RADIL: variants seen among roughly 807,000 people sequenced by gnomAD.
The protein encoded by RADIL is Rap associating with DIL domain, also known as ras-associating and dilute domain-containing protein.
RADIL carries 99 observed loss-of-function variants against 97.6 expected under a neutral mutation model. That is an observed-to-expected ratio of 1.01 (90% CI 0.86 to 1.20). The LOEUF (loss-of-function observed/expected upper bound fraction) is 1.20, where lower values mean the gene tolerates loss of function less well. Ranked by LOEUF, RADIL falls within the 50% of genes most tolerant of loss-of-function variation. The pLI is 0.00. For synonymous variants in RADIL, 803 were observed against 691.8 expected (o/e 1.16, Z -2.52); for missense variants, 1,765 against 1,498.9 (o/e 1.18, Z -2.93).
intron 12 of RADIL, 21 bp from the exon 13 acceptor site, chr7:4,800,331 G>C (rs762921610): frequency 1.1e-5 from 16 of 1,426,298 alleles, no homozygotes; most frequent in Non-Finnish European, 1.4e-5. Context: ...GCCAGGAAAG[G>C]TGGGTGGGAG....
intron 9 of RADIL, among the ~76,000 whole-genome samples, chr7:4,807,787 C>T (rs1782374184): frequency 1.2e-5 from 1 of 83,976 alleles, no homozygotes; most frequent in Non-Finnish European, 2.4e-5. Context: ...CCTTCCTCCT[C>T]CGTCTCCTCT....
rs1358959174 is a variant in RADIL, at chr7:4,834,444, G to C, written c.1416+163C>G. On this transcript the variant is annotated intron_variant, in intron 4 of 14. Coordinates refer to ENST00000399583, the MANE Select transcript of RADIL (RefSeq NM_018059.5). The surrounding 1 kb of genome is among the most constrained non-coding windows in gnomAD (Gnocchi z 6.0). Reference sequence around the variant, plus strand: ...GGGGCTGCTTCTGGTGGCCTGTGGGGCTGGGGGGCAGCGACAGGCAGGGAA... The same window carrying C: ...GGGGCTGCTTCTGGTGGCCTGTGGGCCTGGGGGGCAGCGACAGGCAGGGAA... Among the ~76,000 whole-genome samples the C allele has an allele frequency of 1.3e-5, 2 of 152,178 alleles. No homozygotes were observed. Among genetic ancestry groups the C allele is most frequent in the Non-Finnish European group, 2.9e-5 (2 of 68,026 alleles).
At chr7:4,845,156 A>C (rs963358817) in intron 2 of RADIL, among the ~76,000 whole-genome samples, 3 of 152,120 alleles carry the variant, frequency 2.0e-5, no homozygotes, top group Non-Finnish European at 4.4e-5. Context: ...ATGGTGGTTC[A>C]TGCCTGTAAT....
rs532050539 is a variant in RADIL, at chr7:4,814,006, A to G, written c.2139+1272T>C. Among the ~76,000 whole-genome samples, 20 of 152,184 alleles carry G rather than the reference A, an allele frequency of 1.3e-4. No individual in the cohort carries two copies. In the South Asian group the frequency reaches 3.9e-3, roughly 30 times the overall value. ...TGTTGCCCAGGCTGGTCTCAAACCAATGGCCTCAAGTGATCCTCCCACCTC... is the reference window on the plus strand; with the variant it reads ...TGTTGCCCAGGCTGGTCTCAAACCAGTGGCCTCAAGTGATCCTCCCACCTC... On this transcript the variant is annotated intron_variant, in intron 9 of 14. Transcript: ENST00000399583. The surrounding 1 kb of genome is among the most constrained non-coding windows in gnomAD (Gnocchi z 4.5).
chr7:4,830,217 TGA>T lies in RADIL; in HGVS notation c.1454+1922_1454+1923del, dbSNP rs374477176. Among the ~76,000 whole-genome samples, 39 of 152,344 alleles carry T rather than the reference TGA, an allele frequency of 2.6e-4. No individual in the cohort carries two copies. The South Asian group carries it at 7.7e-3, about 30-fold the overall frequency. ...AACATTGTCTTGGATTCAGCTGCAC[TGA>T]GAGAGCAGTGGCTGAAAGTCATTCC... On this transcript the variant is annotated intron_variant, in intron 5 of 14. Transcript: ENST00000399583.
intron 2 of RADIL, among the ~76,000 whole-genome samples, chr7:4,875,482 C>T (rs1373007534): frequency 6.6e-6 from 1 of 152,178 alleles, no homozygotes; most frequent in African/African-American, 2.4e-5. Flanking sequence ...CTGGCAGTCG[C>T]CTATCACCTG....
intron 2 of RADIL, chr7:4,860,226 C>G: frequency 6.2e-7 from 1 of 1,614,002 alleles, no homozygotes; most frequent in Non-Finnish European, 8.5e-7. Context: ...TTTTCACAGC[C>G]TGCAGACAAG....
rs984916870 is a variant in RADIL, at chr7:4,862,921, TAAAAATA to T, written c.535+14677_535+14683del. ...TCAAAAAAAAAAATAAAATTAAAAA[TAAAAATA>T]AAAAATAAAAAATATAATCTTACCC... On this transcript the variant is annotated intron_variant, in intron 2 of 14. Coordinates refer to ENST00000399583, the MANE Select transcript of RADIL (RefSeq NM_018059.5). 2.4e-4 allele frequency among the ~76,000 whole-genome samples: 36 copies of T among 149,594 alleles called. 1 individual carries two copies. The highest frequency in any genetic ancestry group is 7.0e-3 in the Middle Eastern group (2 of 286).
chr7:4,862,010 A>G, intron 2 of RADIL: 1 of 432,746 alleles, frequency 2.3e-6, no homozygotes. Context: ...CAGACCCCTC[A>G]GCGGCTGCGT....
chr7:4,861,466 A>G, intron 2 of RADIL: 1 of 1,614,084 alleles, frequency 6.2e-7, no homozygotes, highest in Non-Finnish European at 8.5e-7. Context: ...ACAAGGCGTC[A>G]ATATCTGCGC....
intron 2 of RADIL, chr7:4,838,066 C>A: frequency 2.0e-6 from 2 of 985,342 alleles, no homozygotes; most frequent in Non-Finnish European, 2.4e-6. Flanking sequence ...CTGCAGCCCG[C>A]AGGGGGCCAG....
chr7:4,809,347 C>T (rs189549546), intron 9 of RADIL: 1 of 985,228 alleles, frequency 1.0e-6, no homozygotes, highest in East Asian at 1.1e-4. Context: ...CTGTTTTCAA[C>T]GTTCTAGAAA....
chr7:4,831,551 T>A (rs377399512), intron 5 of RADIL, among the ~76,000 whole-genome samples: 3 of 53,332 alleles, frequency 5.6e-5, no homozygotes, highest in African/African-American at 8.0e-5. Flanking sequence ...GGAAAATAAA[T>A]AAACTAATAA....
chr7:4,865,871 A>C (rs1784120421), intron 2 of RADIL: 1 of 666,384 alleles, frequency 1.5e-6, no homozygotes, highest in Admixed American at 2.3e-5. Flanking sequence ...TTAGACACAC[A>C]AATATTTACC....
Position 4,834,258 on chromosome 7 carries a change from G to A in RADIL, c.1416+349C>T, listed in dbSNP as rs559350962. Among the ~76,000 whole-genome samples the A allele has an allele frequency of 6.6e-6, 1 of 152,138 alleles. No homozygotes were observed. The highest frequency in any genetic ancestry group is 2.4e-5 in the African/African-American group (1 of 41,432). ...GAGCTATCAATGTCACCTCGGCCTC[G>A]TGGTGCCCAGGCTCAGGGGCAGCTC... On this transcript the variant is annotated intron_variant, in intron 4 of 14. Transcript: ENST00000399583. This position sits in a 1 kb window ranked among gnomAD's most constrained non-coding sequence, Gnocchi z 6.0.
In RADIL at chr7:4,877,908, A is replaced by G; in HGVS notation, c.232T>C (p.Tyr78His). The G allele has an allele frequency of 1.2e-6, 2 of 1,606,344 alleles. No homozygotes were observed. The highest frequency in any genetic ancestry group is 1.1e-5 in the South Asian group (1 of 91,086). ...GTGCCGGTGGCCAGGACGCTCTTGT[A>G]GTGGGTTCCTGTGCAGACACTGTCC... is the stretch of plus-strand genomic sequence containing the variant. ...FGDSVCTGTH[Y>H]KSVLATGTSS... is the part of the protein sequence containing the mutation. The change falls in exon 2 of 15, where the codon TAC (tyrosine) becomes CAC (histidine). Residue 78 changes from tyrosine to histidine, a missense_variant. Physicochemically the swap from Tyr to His is moderately conservative, Grantham distance 83. Transcript: ENST00000399583.
Position 4,813,705 on chromosome 7 carries a change from G to A in RADIL, c.2139+1573C>T, listed in dbSNP as rs1331551226. On this transcript the variant is annotated intron_variant, in intron 9 of 14. Transcript: ENST00000399583. This position sits in a 1 kb window ranked among gnomAD's most constrained non-coding sequence, Gnocchi z 5.0. ...AGGCTCACTCTCTCCTCATCCTTCA[G>A]GAGCTCGCTCACGCCTTTCAACAGA... Among the ~76,000 whole-genome samples, 3 of 152,242 alleles carry A rather than the reference G, an allele frequency of 2.0e-5. No homozygotes were observed. The highest frequency in any genetic ancestry group is 7.2e-5 in the African/African-American group (3 of 41,458).
chr7:4,809,988 C>T (rs987775957), intron 9 of RADIL, among the ~76,000 whole-genome samples: 1 of 151,872 alleles, frequency 6.6e-6, no homozygotes, highest in African/African-American at 2.4e-5. Context: ...GAATAGCTGC[C>T]TAATTTTTGT....
In RADIL at chr7:4,822,688, TG is replaced by T; in HGVS notation, c.1455-135del. 9.5e-7 allele frequency: 1 copy of T among 1,049,682 alleles called. No homozygotes were observed. Among genetic ancestry groups the T allele is most frequent in the Non-Finnish European group, 1.4e-6 (1 of 738,372 alleles). The allele number at this position is 1,049,682 out of a possible 1,614,324, so 65.0% of individuals were successfully genotyped here. On this transcript the variant is annotated intron_variant, in intron 5 of 14. Coordinates refer to ENST00000399583, the MANE Select transcript of RADIL (RefSeq NM_018059.5). The surrounding 1 kb of genome is among the most constrained non-coding windows in gnomAD (Gnocchi z 5.3). ...ACTGCAACCATCAACCTGACACTGC[TG>T]GGCGGGGACGTTTAACAATACGTGT... is the stretch of plus-strand genomic sequence containing the variant.
Sources: gnomAD v4.1 joint callset for allele counts (sites outside exome capture counted in the v4.1 genomes callset) on GRCh38, gnomAD v4.1.1 for gene constraint, Gnocchi (gnomAD v3.1) non-coding constraint, MANE v1.5 for transcripts, NCBI Gene and HGNC (gene_info 2026-07-23, HGNC 2026-07-21) for gene names.